Variants in PAPPA2 observed in about 807,000 individuals in gnomAD.
The protein encoded by PAPPA2 is pappalysin 2, also known as pappalysin-2.
PAPPA2 carries 86 observed loss-of-function variants against 176.4 expected under a neutral mutation model. That is an observed-to-expected ratio of 0.49 (90% confidence interval 0.41 to 0.58). The LOEUF (loss-of-function observed/expected upper bound fraction) is 0.58, where lower values mean the gene tolerates loss of function less well. PAPPA2 is among the 20% of genes least tolerant of loss of function. PAPPA2 has a pLI of 0.00. For missense variants in PAPPA2, 2,073 were observed against 2,256.9 expected, an observed-to-expected ratio of 0.92 and a Z score of 1.65; for synonymous variants, 809 against 852.2, an observed-to-expected ratio of 0.95 and a Z score of 0.88.
In PAPPA2 at chr1:176,743,704, A is replaced by G. The variant is rs533856087; in HGVS notation, c.4151+3508A>G. 9.8e-5 allele frequency among the ~76,000 whole-genome samples: 15 copies of G among 152,340 alleles called. No individual in the cohort carries two copies. The South Asian group carries it at 3.1e-3, about 32-fold the overall frequency. On this transcript the variant is annotated intron_variant, in intron 14 of 22. Transcript: ENST00000367662. ...CCTAAGTGAGTGAATTAGTTTACAG[A>G]CAAACAGGACTCTTTCTACTTTGGG...
At chr1:176,655,373 A>G (rs1238286066) in intron 3 of PAPPA2, among the ~76,000 whole-genome samples, 1 of 151,848 alleles carries the variant, frequency 6.6e-6, no homozygotes, top group Non-Finnish European at 1.5e-5. Flanking sequence ...TTAACTATTC[A>G]TCTGACAGGG....
At chr1:176,791,611 T>C in intron 19 of PAPPA2, 129 bp downstream of exon 19, 1 of 1,086,758 alleles carries the variant, frequency 9.2e-7, no homozygotes, top group Non-Finnish European at 1.3e-6. Flanking sequence ...TGGGGTGCAG[T>C]GGCACAGTCT....
At chr1:176,570,442 T>G (rs527463318) in intron 2 of PAPPA2, among the ~76,000 whole-genome samples, 4 of 152,216 alleles carry the variant, frequency 2.6e-5, no homozygotes, top group Non-Finnish European at 5.9e-5. Flanking sequence ...ATTTTTGAAA[T>G]TAACTCCAAC....
At chr1:176,737,681 A>G (rs1475973415) in intron 12 of PAPPA2, among the ~76,000 whole-genome samples, 1 of 152,080 alleles carries the variant, frequency 6.6e-6, no homozygotes, top group African/African-American at 2.4e-5. Context: ...CTTCCCACAA[A>G]TCATGGCACA....
intron 3 of PAPPA2, among the ~76,000 whole-genome samples, chr1:176,638,624 A>G (rs1478299573): frequency 6.6e-6 from 1 of 152,036 alleles, no homozygotes; most frequent in Admixed American, 6.6e-5. Flanking sequence ...TTCATGGCGC[A>G]CTGTAGATGA....
At chr1:176,620,370 A>G (rs550636519) in intron 3 of PAPPA2, among the ~76,000 whole-genome samples, 1 of 152,230 alleles carries the variant, frequency 6.6e-6, no homozygotes, top group African/African-American at 2.4e-5. Flanking sequence ...TATTGATGCT[A>G]TTTAGGCCAC....
intron 14 of PAPPA2, among the ~76,000 whole-genome samples, chr1:176,758,001 T>C (rs183522634): frequency 6.6e-6 from 1 of 152,236 alleles, no homozygotes; most frequent in African/African-American, 2.4e-5. Flanking sequence ...TCCTGACAGA[T>C]CTATTTTGAG....
chr1:176,834,475 C>T (rs898164769), intron 21 of PAPPA2, among the ~76,000 whole-genome samples: 3 of 152,152 alleles, frequency 2.0e-5, no homozygotes, highest in Admixed American at 6.5e-5. Flanking sequence ...AGCAGCAAAA[C>T]GTCTGGTTTT....
chr1:176,574,012 G>T (rs557432324), intron 2 of PAPPA2, among the ~76,000 whole-genome samples: 1 of 151,830 alleles, frequency 6.6e-6, no homozygotes, highest in African/African-American at 2.4e-5. Flanking sequence ...GTCATGTGAC[G>T]CATCATTGTT....
At chr1:176,734,575 T>C (rs181732212) in intron 12 of PAPPA2, among the ~76,000 whole-genome samples, 10 of 152,114 alleles carry the variant, frequency 6.6e-5, no homozygotes, top group Non-Finnish European at 1.3e-4. Flanking sequence ...TTGACCCACA[T>C]CCTCAATCAT....
chr1:176,597,377 CTTA>C (rs569504577), intron 3 of PAPPA2, among the ~76,000 whole-genome samples: 280 of 152,228 alleles, frequency 1.8e-3, no homozygotes, highest in Middle Eastern at 6.8e-3. Context: ...AAGATTAGTT[CTTA>C]TTATTAAGGC....
At position 176,842,429 on chromosome 1, in the gene PAPPA2, A is replaced by C. The variant is rs749632915; in HGVS notation, c.5351A>C (p.Asp1784Ala). 6.2e-7 allele frequency: 1 copy of C among 1,613,284 alleles called. No individual in the cohort carries two copies. The highest frequency in any genetic ancestry group is 2.2e-5 in the East Asian group (1 of 44,828). ...DCDLDECTCR[D>A]PKAEENQ Reference sequence around the variant, plus strand: ...GACCTGGATGAGTGCACCTGCCGGGACCCCAAGGCAGAAGAAAATCAGTAA... The same window carrying C: ...GACCTGGATGAGTGCACCTGCCGGGCCCCCAAGGCAGAAGAAAATCAGTAA... Residue 1784 changes from aspartate (D) to alanine (A), a missense_variant, in exon 23 of 23, where the codon GAC becomes GCC. This residue lies in a region of PAPPA2 where 27 missense variants were observed against 52.1 expected (regional missense o/e 0.52). Coordinates refer to ENST00000367662, the MANE Select transcript of PAPPA2 (RefSeq NM_020318.3).
In PAPPA2 at chr1:176,740,120, A is replaced by G; in HGVS notation, c.4075A>G (p.Thr1359Ala). The change falls in exon 14 of 23, where the codon ACA becomes GCA. Residue 1359 changes from threonine (T) to alanine (A), a missense_variant. Physicochemically the swap from Thr to Ala is moderately conservative, Grantham distance 58. Coordinates refer to ENST00000367662, the MANE Select transcript of PAPPA2 (RefSeq NM_020318.3). ...CGGCATCTCAGCTGTGGCTCTAAGGACATCCTCCCGCATTGGTCTTTCGGC... is the reference window on the plus strand; with the variant it reads ...CGGCATCTCAGCTGTGGCTCTAAGGGCATCCTCCCGCATTGGTCTTTCGGC... ...RVGISAVALR[T>A]SSRIGLSAPS... 6.2e-7 allele frequency: 1 copy of G among 1,613,804 alleles called. No homozygotes were observed. The highest frequency in any genetic ancestry group is 8.5e-7 in the Non-Finnish European group (1 of 1,179,860).
chr1:176,763,074 A>G (rs1234465738), intron 14 of PAPPA2, among the ~76,000 whole-genome samples: 1 of 152,174 alleles, frequency 6.6e-6, no homozygotes, highest in Non-Finnish European at 1.5e-5. Flanking sequence ...GTGCTTTTTA[A>G]GTCAAGTCTC....
intron 1 of PAPPA2, among the ~76,000 whole-genome samples, chr1:176,536,126 G>C (rs964330427): frequency 1.1e-4 from 17 of 152,128 alleles, no homozygotes; most frequent in African/African-American, 4.1e-4. Flanking sequence ...AAAAATAATA[G>C]CATCATTAGC....
At chr1:176,652,177 G>A (rs191896912) in intron 3 of PAPPA2, among the ~76,000 whole-genome samples, 5 of 151,540 alleles carry the variant, frequency 3.3e-5, no homozygotes, top group African/African-American at 9.7e-5. Flanking sequence ...TTGGGGGCAG[G>A]GCGGGGCAGG....
intron 2 of PAPPA2, among the ~76,000 whole-genome samples, chr1:176,566,879 TACTA>T (rs1159318700): frequency 6.6e-6 from 1 of 152,156 alleles, no homozygotes; most frequent in Admixed American, 6.5e-5. Flanking sequence ...ATTTGGTGTT[TACTA>T]ACAGAAAGGC....
intron 1 of PAPPA2, among the ~76,000 whole-genome samples, chr1:176,517,499 A>G (rs2102532424): frequency 6.6e-6 from 1 of 152,310 alleles, no homozygotes; most frequent in Middle Eastern, 3.4e-3. Flanking sequence ...AAAGGAAACT[A>G]TCAATGTGAG....
At chr1:176,472,733 CA>C (rs1387358196) in intron 1 of PAPPA2, among the ~76,000 whole-genome samples, 1 of 152,094 alleles carries the variant, frequency 6.6e-6, no homozygotes, top group African/African-American at 2.4e-5. Flanking sequence ...TAGGTTTTTA[CA>C]AGCATAACAG....
Sources: allele counts gnomAD v4.1 joint callset (sites outside exome capture counted in the v4.1 genomes callset), GRCh38; gene constraint gnomAD v4.1.1; regional missense constraint gnomAD v4.1.1; transcripts MANE v1.5; gene names NCBI Gene and HGNC (gene_info 2026-07-23, HGNC 2026-07-21).